Variants in CFAP46 observed in about 807,000 individuals in gnomAD.
CFAP46 encodes cilia and flagella associated protein 46, also known as cilia- and flagella-associated protein 46.
CFAP46 carries 245 observed loss-of-function variants against 325.7 expected under a neutral mutation model. That is an observed-to-expected ratio of 0.75 (90% CI 0.68 to 0.84). The LOEUF (loss-of-function observed/expected upper bound fraction) is 0.84. Among genes scored for constraint, CFAP46 ranks in the 40% least tolerant of loss-of-function variants. The pLI, the probability that CFAP46 is intolerant of heterozygous loss-of-function variation, is 0.00. For missense variants in CFAP46, 3,346 were observed against 3,543.0 expected (o/e 0.94, Z 1.41); for synonymous variants, 1,523 against 1,495.9 (o/e 1.02, Z -0.42).
intron 20 of CFAP46, 131 bp from the exon 21 acceptor site, chr10:132,909,375 CT>C: frequency 1.5e-6 from 1 of 670,840 alleles, no homozygotes; most frequent in Non-Finnish European, 2.6e-6. Flanking sequence ...GCGTTTATAC[CT>C]TAGGCTGTTT....
rs770083038 is a variant in CFAP46, at chr10:132,941,729, G to A, written c.175-7C>T. On this transcript the variant is annotated splice_polypyrimidine_tract_variant and splice_region_variant and intron_variant, in intron 2 of 57. Transcript: ENST00000368586. The stretch of plus-strand genomic sequence containing the variant: ...TCACCTCTGGCTGCCTCATCTGCAA[G>A]AGAACACCACCACAGAAGATCACAG... 5 of 1,613,864 alleles carry A rather than the reference G, an allele frequency of 3.1e-6. No homozygotes were observed. The highest frequency in any genetic ancestry group is 1.1e-5 in the South Asian group (1 of 91,048).
chr10:132,916,532 C>T lies in CFAP46; in HGVS notation c.2120+17G>A, dbSNP rs909422759. On this transcript the variant is annotated intron_variant, in intron 17 of 57. Transcript: ENST00000368586. ...CGGCCCCGGGCGGTGCTCAAGGCCA[C>T]TGTCGCCTCTGCCCACCTGTATGTG... The T allele has an allele frequency of 6.5e-7, 1 of 1,545,120 alleles. No individual in the cohort carries two copies. Among genetic ancestry groups the T allele is most frequent in the African/African-American group, 1.4e-5 (1 of 72,586 alleles).
chr10:132,859,184 C>T lies in CFAP46; in HGVS notation c.5262G>A (p.Ser1754=), dbSNP rs1848690023. ...HSAVTEPTEC[S]LLLKEMDDGL... is the part of the protein sequence containing the mutation. ...CATCATCCATCTCTTTCAGTAGCAA[C>T]GAGCACTCTGTGGGTTCAGTGACCG... Residue 1754 remains serine, a synonymous_variant, in exon 38 of 58, where the codon TCG becomes TCA. Coordinates refer to ENST00000368586, the MANE Select transcript of CFAP46 (RefSeq NM_001200049.3). 1.3e-6 allele frequency: 2 copies of T among 1,550,476 alleles called. No individual in the cohort carries two copies. The highest frequency in any genetic ancestry group is 1.4e-5 in the African/African-American group (1 of 73,036).
rs1849011335 is a variant in CFAP46 at position 132,879,743 on chromosome 10, C to T, written c.3800-112G>A. 16 of 1,106,902 alleles carry T rather than the reference C, an allele frequency of 1.4e-5. No homozygotes were observed. The South Asian group carries it at 2.6e-4, about 18-fold the overall frequency. 68.6% of individuals were successfully genotyped at this position (1,106,902 alleles called of 1,614,324 possible). A position where few individuals can be genotyped will look rare whatever the true frequency, so the allele number is the denominator to read the frequency against. On this transcript the variant is annotated intron_variant, in intron 28 of 57. Transcript: ENST00000368586. ...GGTGGACTGCCCGGTGCCTCGCGGA[C>T]ACCCGGTGCTCCACTCTGCTGAGGG...
chr10:132,935,663 A>C (rs1440856489), intron 7 of CFAP46, among the ~76,000 whole-genome samples: 293 of 105,154 alleles, frequency 2.8e-3, no homozygotes, highest in Middle Eastern at 0.012. Context: ...GCACCCAAAC[A>C]CACTGAGATC....
chr10:132,881,145 C>T (rs1405188245), intron 27 of CFAP46, 113 bp from the exon 28 acceptor site: 3 of 1,043,490 alleles, frequency 2.9e-6, no homozygotes, highest in Non-Finnish European at 4.2e-6. Context: ...ATTCTTACCC[C>T]CACAGTGATC....
chr10:132,937,657 A>G lies in CFAP46; in HGVS notation c.555T>C (p.Tyr185=). 1 of 1,611,310 alleles carries G rather than the reference A, an allele frequency of 6.2e-7. No homozygotes were observed. Among genetic ancestry groups the G allele is most frequent in the Admixed American group, 1.7e-5 (1 of 59,722 alleles). ...CCTCCTCCTTTCTTCCGGCTTGCAGATAACACTCCAGAAGTTCCCTGGATA... is the reference window on the plus strand; with the variant it reads ...CCTCCTCCTTTCTTCCGGCTTGCAGGTAACACTCCAGAAGTTCCCTGGATA... ...AELMLELLEC[Y]LQAGRKEEAA... is the part of the protein sequence containing the mutation. The change falls in exon 6 of 58, where the codon TAT becomes TAC. Residue 185 remains tyrosine, a synonymous_variant. Coordinates refer to ENST00000368586, the MANE Select transcript of CFAP46 (RefSeq NM_001200049.3).
intron 50 of CFAP46, among the ~76,000 whole-genome samples, chr10:132,822,798 T>TGCAGTGATGTGTGCTGTGTGG (rs1847901627): frequency 7.3e-6 from 1 of 136,080 alleles, no homozygotes; most frequent in Non-Finnish European, 1.6e-5. Context: ...GTGCTGTGTG[T>TGCAGTGATGTGTGCTGTGTGG]GTGCTGATGT....
In CFAP46 at chr10:132,867,410, G is replaced by A; in HGVS notation, c.4708C>T (p.Pro1570Ser). The stretch of plus-strand genomic sequence containing the variant: ...GCGTCCAGTGGTTTGATCTCCCCAG[G>A]CTGGACAGGAAGTGTCTGCTCATTC... The part of the protein sequence containing the change: ...ALNEQTLPVQ[P>S]GEIKPLDAKD... The change falls in exon 34 of 58, where the codon CCT becomes TCT. Residue 1570 changes from proline to serine, a missense_variant. By Grantham distance (74) the Pro-to-Ser change is moderately conservative (BLOSUM62 -1). Coordinates refer to ENST00000368586, the MANE Select transcript of CFAP46 (RefSeq NM_001200049.3). 4 of 1,550,564 alleles carry A rather than the reference G, an allele frequency of 2.6e-6. No individual in the cohort carries two copies. The highest frequency in any genetic ancestry group is 3.3e-4 in the Middle Eastern group (2 of 5,978).
rs2135341807 is a variant in CFAP46 at position 132,877,108 on chromosome 10, A to G, written c.4213-147T>C. On this transcript the variant is annotated intron_variant, in intron 30 of 57. Coordinates refer to ENST00000368586, the MANE Select transcript of CFAP46 (RefSeq NM_001200049.3). This position sits in a 1 kb window ranked among gnomAD's most constrained non-coding sequence, Gnocchi z 5.7. The stretch of plus-strand genomic sequence containing the variant: ...CACCACCAGGTCCCAGCGAGTGCCC[A>G]GATCCAGCCTCTGATACTGTTTCCA... 1.3e-6 allele frequency: 1 copy of G among 741,840 alleles called. No homozygotes were observed. Among genetic ancestry groups the G allele is most frequent in the Non-Finnish European group, 2.2e-6 (1 of 457,400 alleles). The allele number at this position is 741,840 out of a possible 1,614,324, so 46.0% of individuals were successfully genotyped here. A position where few individuals can be genotyped will look rare whatever the true frequency, so the allele number is the denominator to read the frequency against.
intron 17 of CFAP46, among the ~76,000 whole-genome samples, chr10:132,914,107 T>C: frequency 1.4e-5 from 1 of 70,532 alleles, no homozygotes; most frequent in South Asian, 7.0e-4. Flanking sequence ...CGAGGCTGTG[T>C]CCAGCCACAC....
chr10:132,826,263 G>A (rs1222916993), intron 50 of CFAP46, among the ~76,000 whole-genome samples: 5 of 138,244 alleles, frequency 3.6e-5, no homozygotes, highest in African/African-American at 1.4e-4. Context: ...GACCAGCCAC[G>A]GAGCCAGGCA....
chr10:132,937,567 C>A lies in CFAP46; in HGVS notation c.645G>T (p.Gln215His), dbSNP rs137890634. The change falls in exon 6 of 58, where the codon CAG (glutamine) becomes CAT (histidine). Residue 215 changes from glutamine (Q) to histidine (H), a missense_variant. Transcript: ENST00000368586. ...IKSHVPQKYR[Q>H]IFSVMVRHEL... ...GCTGATTTACCATAACAGAGAATAT[C>A]TGCCGGTATTTCTGTGGCACGTGAG... 1.5e-5 allele frequency: 25 copies of A among 1,613,494 alleles called. No individual in the cohort carries two copies. In the African/African-American group the frequency reaches 2.3e-4, roughly 15 times the overall value.
At chr10:132,894,011 C>G (rs1373680843) in intron 24 of CFAP46, among the ~76,000 whole-genome samples, 2 of 151,656 alleles carry the variant, frequency 1.3e-5, no homozygotes, top group African/African-American at 4.9e-5. Flanking sequence ...GCTGCAGCCC[C>G]CTGTGGGTTT....
intron 37 of CFAP46, among the ~76,000 whole-genome samples, 166 bp from the exon 38 acceptor site, chr10:132,859,413 C>G (rs988185016): frequency 6.6e-6 from 1 of 152,132 alleles, no homozygotes; most frequent in Non-Finnish European, 1.5e-5. Context: ...ATTCTGTGAT[C>G]GCATGTGATA....
intron 16 of CFAP46, among the ~76,000 whole-genome samples, chr10:132,916,894 G>C (rs1178377752): frequency 6.6e-6 from 1 of 152,186 alleles, no homozygotes; most frequent in African/African-American, 2.4e-5. Context: ...CCACCCATTA[G>C]CACAAGGGTC....
intron 31 of CFAP46, among the ~76,000 whole-genome samples, chr10:132,873,862 A>C (rs190493695): frequency 6.6e-6 from 1 of 152,344 alleles, no homozygotes; most frequent in East Asian, 1.9e-4. Flanking sequence ...ATTGAGAACA[A>C]CTTCATGGCA....
At chr10:132,907,555 C>T (rs1165112545) in intron 22 of CFAP46, among the ~76,000 whole-genome samples, 1 of 152,216 alleles carries the variant, frequency 6.6e-6, no homozygotes, top group Non-Finnish European at 1.5e-5. Flanking sequence ...ATTTAATTAG[C>T]GTGCATATCT....
intron 45 of CFAP46, among the ~76,000 whole-genome samples, chr10:132,836,520 G>C (rs1848250193): frequency 6.6e-6 from 1 of 152,238 alleles, no homozygotes; most frequent in Non-Finnish European, 1.5e-5. Flanking sequence ...GAGGACAGCT[G>C]TCCTGCTCTC....
Sources: gnomAD v4.1 joint callset for allele counts (sites outside exome capture counted in the v4.1 genomes callset) on GRCh38, gnomAD v4.1.1 for gene constraint, Gnocchi (gnomAD v3.1) non-coding constraint, MANE v1.5 for transcripts, NCBI Gene and HGNC (gene_info 2026-07-23, HGNC 2026-07-21) for gene names.